Variants in RYR3 observed in about 807,000 individuals in gnomAD.
RYR3 encodes the protein brain ryanodine receptor-calcium release channel.
Under a neutral mutation model 584.3 loss-of-function variants are expected in RYR3, and 207 were observed. That is an observed-to-expected ratio of 0.35 (90% CI 0.32 to 0.40). RYR3 has a LOEUF of 0.40. Among genes scored for constraint, RYR3 ranks in the 10% least tolerant of loss-of-function variants. The pLI, the probability that RYR3 is intolerant of heterozygous loss-of-function variation, is 1.00. For synonymous variants in RYR3, 2,416 were observed against 2,248.5 expected (o/e 1.07, Z -2.11); for missense variants, 5,616 against 6,089.2 (o/e 0.92, Z 2.59).
intron 43 of RYR3, among the ~76,000 whole-genome samples, chr15:33,719,171 A>G (rs963495613): frequency 5.3e-5 from 8 of 152,178 alleles, no homozygotes; most frequent in Admixed American, 1.3e-4. Flanking sequence ...TTCGTCTTAG[A>G]GCGTGCTCTG....
intron 1 of RYR3, among the ~76,000 whole-genome samples, chr15:33,415,125 G>A (rs1218966058): frequency 6.6e-6 from 1 of 152,126 alleles, no homozygotes; most frequent in Non-Finnish European, 1.5e-5. Flanking sequence ...CAGAGATTTA[G>A]TATGAAAAAA....
intron 1 of RYR3, among the ~76,000 whole-genome samples, chr15:33,399,617 G>T (rs1567163986): frequency 6.6e-6 from 1 of 152,104 alleles, no homozygotes; most frequent in African/African-American, 2.4e-5. Context: ...CAGCCTGGGC[G>T]ACAGAGTAAG....
intron 1 of RYR3, among the ~76,000 whole-genome samples, chr15:33,470,369 A>T (rs1490361373): frequency 6.6e-6 from 1 of 152,170 alleles, no homozygotes; most frequent in Non-Finnish European, 1.5e-5. Context: ...GTCTTGTTCC[A>T]GTGAGATAGA....
chr15:33,854,164 C>G (rs1216209019), intron 96 of RYR3, among the ~76,000 whole-genome samples: 1 of 148,628 alleles, frequency 6.7e-6, no homozygotes, highest in Non-Finnish European at 1.5e-5. Flanking sequence ...CCACTACACT[C>G]CAGCCTGGGT....
At chr15:33,329,657 C>T (rs921190095) in intron 1 of RYR3, among the ~76,000 whole-genome samples, 2 of 152,152 alleles carry the variant, frequency 1.3e-5, no homozygotes, top group African/African-American at 4.8e-5. Flanking sequence ...CACCAGTTCT[C>T]AATGTTCTCA....
intron 74 of RYR3, chr15:33,813,800 G>A (rs760793515): frequency 2.3e-6 from 1 of 440,944 alleles, no homozygotes; most frequent in Non-Finnish European, 4.0e-6. Context: ...TTCCTGTCAG[G>A]CTCACCATTT....
intron 62 of RYR3, among the ~76,000 whole-genome samples, chr15:33,769,914 A>G (rs964444904): frequency 1.3e-5 from 2 of 151,980 alleles, no homozygotes; most frequent in African/African-American, 4.8e-5. Context: ...ACGCCACTAC[A>G]CTCCAGCCTG....
intron 3 of RYR3, among the ~76,000 whole-genome samples, chr15:33,520,259 G>T (rs1346269152): frequency 6.6e-6 from 1 of 152,160 alleles, no homozygotes; most frequent in Admixed American, 6.6e-5. Context: ...TGAACAGTGA[G>T]TTTTTTTATA....
chr15:33,522,714 C>CATACCAG (rs985025096), intron 3 of RYR3, among the ~76,000 whole-genome samples: 9 of 152,148 alleles, frequency 5.9e-5, no homozygotes, highest in African/African-American at 2.2e-4. Context: ...ACACTGGGCT[C>CATACCAG]TTTGGGGTTT....
intron 12 of RYR3, among the ~76,000 whole-genome samples, chr15:33,578,765 T>TAAAAAA (rs1263790835): frequency 1.7e-3 from 45 of 26,782 alleles, no homozygotes; most frequent in Middle Eastern, 0.045. Flanking sequence ...GAACTTAGAA[T>TAAAAAA]AAAAAAAAAA....
At chr15:33,754,272 T>C (rs1312771968) in intron 57 of RYR3, among the ~76,000 whole-genome samples, 2 of 152,190 alleles carry the variant, frequency 1.3e-5, no homozygotes, top group Admixed American at 1.3e-4. Context: ...CAACCAGTGA[T>C]CCTGTTATGA....
At chr15:33,578,797 C>CAA (rs1567582427) in intron 12 of RYR3, among the ~76,000 whole-genome samples, 1 of 137,652 alleles carries the variant, frequency 7.3e-6, no homozygotes, top group African/African-American at 2.9e-5. Flanking sequence ...AAAAAAAACT[C>CAA]CTCGTGATGT....
intron 3 of RYR3, among the ~76,000 whole-genome samples, chr15:33,509,929 TCTG>T (rs1441473430): frequency 6.6e-6 from 1 of 152,256 alleles, no homozygotes; most frequent in Non-Finnish European, 1.5e-5. Context: ...TTGACTTGAC[TCTG>T]CTTTTTCCTT....
rs776375587 is a variant in RYR3 at position 33,634,605 on chromosome 15, A to G, written c.3047A>G (p.Asn1016Ser). The change falls in exon 25 of 104, where the codon AAT becomes AGT. Residue 1016 changes from asparagine (N) to serine (S), a missense_variant. Physicochemically the swap from Asn to Ser is conservative, Grantham distance 46. Around this residue, in one of 9 missense-constraint regions of RYR3, gnomAD observed 1,284 missense variants for 1,344.6 expected, o/e 0.95. Transcript: ENST00000634891. ...ACATAGGATTTGAAGAACAAAAGAA[A>G]TCCCCGTCTGGTGCCATATGCATTA... ...GIQQDLKNKRNPRLVPYALLD... is the reference protein window; with the variant it reads ...GIQQDLKNKRSPRLVPYALLD... 6 of 1,613,804 alleles carry G rather than the reference A, an allele frequency of 3.7e-6. No individual in the cohort carries two copies. The African/African-American group carries it at 8.0e-5, about 22-fold the overall frequency.
rs8041099 is a variant in RYR3 at position 33,311,390 on chromosome 15, T to C, written c.51+294T>C. Among the ~76,000 whole-genome samples, 1,051 of 152,320 alleles carry C rather than the reference T, an allele frequency of 6.9e-3. 15 individuals carry two copies. The highest frequency in any genetic ancestry group is 0.024 in the African/African-American group (984 of 41,584). On this transcript the variant is annotated intron_variant, in intron 1 of 103. Coordinates refer to ENST00000634891, the MANE Select transcript of RYR3 (RefSeq NM_001036.6). This position sits in a 1 kb window ranked among gnomAD's most constrained non-coding sequence, Gnocchi z 4.4. ...CAACTTGCTACTTGGTCTGAAACCCTTGATGCCCAAACTTCAGCCGGGGTT... is the reference window on the plus strand; with the variant it reads ...CAACTTGCTACTTGGTCTGAAACCCCTGATGCCCAAACTTCAGCCGGGGTT...
At chr15:33,754,962 A>G (rs950903978) in intron 57 of RYR3, 103 bp from the exon 58 acceptor site, 3 of 675,754 alleles carry the variant, frequency 4.4e-6, no homozygotes, top group African/African-American at 3.6e-5. Context: ...CAGAATAACC[A>G]CTAACATTTG....
chr15:33,464,475 T>TAG (rs2048299453), intron 1 of RYR3, among the ~76,000 whole-genome samples: 1 of 86,714 alleles, frequency 1.2e-5, no homozygotes, highest in Non-Finnish European at 2.1e-5. Context: ...TATATATATA[T>TAG]ATATATATAT....
chr15:33,376,678 A>T (rs933518473), intron 1 of RYR3, among the ~76,000 whole-genome samples: 1 of 151,810 alleles, frequency 6.6e-6, no homozygotes, highest in Non-Finnish European at 1.5e-5. Context: ...CCCGGGTAGT[A>T]CTCCACAACA....
chr15:33,798,733 G>A (rs2075761100), intron 67 of RYR3, among the ~76,000 whole-genome samples: 1 of 152,216 alleles, frequency 6.6e-6, no homozygotes, highest in African/African-American at 2.4e-5. Context: ...AATGAATATT[G>A]AGTAGACAAC....
Sources: allele counts gnomAD v4.1 joint callset (sites outside exome capture counted in the v4.1 genomes callset), GRCh38; gene constraint gnomAD v4.1.1; regional missense constraint gnomAD v4.1.1; non-coding constraint Gnocchi (gnomAD v3.1); transcripts MANE v1.5; gene names NCBI Gene and HGNC (gene_info 2026-07-23, HGNC 2026-07-21).